The following EPN1 variants were observed in gnomAD, a reference collection of about 807,000 sequenced individuals.
EPN1 encodes epsin-1.
In EPN1, 25 loss-of-function variants were observed where a neutral mutation model predicts 56.9. The observed-to-expected ratio is 0.44, with a 90% CI of 0.32 to 0.61. EPN1 has a LOEUF of 0.61. Among genes scored for constraint, EPN1 ranks in the 20% least tolerant of loss-of-function variants. The pLI is 0.05. For missense variants in EPN1, 785 were observed against 823.7 expected, an observed-to-expected ratio of 0.95 and a Z score of 0.58; for synonymous variants, 411 against 361.8, an observed-to-expected ratio of 1.14 and a Z score of -1.54.
At position 55,701,440 on chromosome 19, in the gene EPN1, C is replaced by T. The variant is rs959768127; in HGVS notation, c.*6084C>T. On this transcript the variant is annotated 3_prime_UTR_variant, in exon 11 of 11. Transcript: ENST00000270460. Reference sequence around the variant, plus strand: ...CTCCAGCCTGGGTGACAGAGTGAGACCCTGTCTCCAAAAAAAAAAAAAAAA... The same window carrying T: ...CTCCAGCCTGGGTGACAGAGTGAGATCCTGTCTCCAAAAAAAAAAAAAAAA... 3.4e-5 allele frequency: 5 copies of T among 148,842 alleles called. No homozygotes were observed. Among genetic ancestry groups the T allele is most frequent in the African/African-American group, 1.3e-4 (5 of 39,836 alleles). The allele number at this position is 148,842 out of a possible 1,614,324, so 9.2% of individuals were successfully genotyped here. A position where few individuals can be genotyped will look rare whatever the true frequency, so the allele number is the denominator to read the frequency against.
chr19:55,678,605 C>T lies in EPN1; in HGVS notation c.-23C>T. ...TCTCCACGCATCGGGGCCCTGTGCC[C>T]CTTGCTGCTGCAGCCGGGCACCATG... On this transcript the variant is annotated 5_prime_UTR_variant, in exon 2 of 11. Transcript: ENST00000270460. The T allele has an allele frequency of 6.3e-7, 1 of 1,592,060 alleles. No homozygotes were observed.
Position 55,702,002 on chromosome 19 carries a change from C to T in EPN1, c.*6646C>T, listed in dbSNP as rs1458879644. The T allele has an allele frequency of 7.5e-6, 1 of 132,702 alleles. No homozygotes were observed. The highest frequency in any genetic ancestry group is 1.6e-5 in the Non-Finnish European group (1 of 64,098). 8.2% of individuals were successfully genotyped at this position (132,702 alleles called of 1,614,324 possible). A position where few individuals can be genotyped will look rare whatever the true frequency, so the allele number is the denominator to read the frequency against. ...TTTGAGATGGAGTCTCGCTCTGTCG[C>T]CCAGGCTGGAGTGCAGTGGTGTCAT... On this transcript the variant is annotated 3_prime_UTR_variant, in exon 11 of 11. Transcript: ENST00000270460.
chr19:55,692,138 A>C (rs973135917), intron 7 of EPN1, 81 bp downstream of exon 7: 11 of 1,319,782 alleles, frequency 8.3e-6, no homozygotes, highest in African/African-American at 1.5e-5. Context: ...GGACAGGGAC[A>C]GATCGAGCCA....
intron 2 of EPN1, 70 bp downstream of exon 2, chr19:55,678,925 C>A: frequency 9.1e-7 from 1 of 1,104,252 alleles, no homozygotes; most frequent in Non-Finnish European, 1.3e-6. Flanking sequence ...CCGTGTTGTG[C>A]ACCCTGCCTG....
At chr19:55,687,408 G>A (rs2122193215) in intron 3 of EPN1, among the ~76,000 whole-genome samples, 1 of 152,318 alleles carries the variant, frequency 6.6e-6, no homozygotes, top group Middle Eastern at 3.4e-3. Context: ...AGGCCCGGGT[G>A]TTGCTGGCTG....
At position 55,708,659 on chromosome 19, in the gene EPN1, C is replaced by T. The variant is rs537400519; in HGVS notation, c.*13303C>T. 4.3e-4 allele frequency: 139 copies of T among 322,984 alleles called. No homozygotes were observed. Among genetic ancestry groups the T allele is most frequent in the African/African-American group, 2.6e-3 (122 of 46,978 alleles). 20.0% of individuals were successfully genotyped at this position (322,984 alleles called of 1,614,324 possible). A position where few individuals can be genotyped will look rare whatever the true frequency, so the allele number is the denominator to read the frequency against. Reference sequence around the variant, plus strand: ...TCCAGAGCGTTTAGCACTTGTTTAACGTACTTGTGCTTCTAAATATCACAA... The same window carrying T: ...TCCAGAGCGTTTAGCACTTGTTTAATGTACTTGTGCTTCTAAATATCACAA... On this transcript the variant is annotated 3_prime_UTR_variant, in exon 11 of 11. Transcript: ENST00000270460.
In EPN1 at chr19:55,691,755, C is replaced by G; in HGVS notation, c.764C>G (p.Ser255Trp). 1 of 1,610,600 alleles carries G rather than the reference C, an allele frequency of 6.2e-7. No individual in the cohort carries two copies. The highest frequency in any genetic ancestry group is 8.5e-7 in the Non-Finnish European group (1 of 1,178,144). ...CCTTCTCTTCTCTCTCCCCCACAGT[C>G]GTCCCTCATGGACCTTGCTGACGTC... ...SKRETGGKEE[S>W]SLMDLADVFT... Residue 255 changes from serine (S) to tryptophan (W), a missense_variant and splice_region_variant, in exon 7 of 11, where the codon TCG becomes TGG. By Grantham distance (177) the Ser-to-Trp change is radical. This residue lies in a region of EPN1 where 650 missense variants were observed against 605.0 expected (regional missense o/e 1.07). Transcript: ENST00000270460. This position sits in a 1 kb window ranked among gnomAD's most constrained non-coding sequence, Gnocchi z 5.6.
chr19:55,677,867 T>C, intron 1 of EPN1: 1 of 1,224,238 alleles, frequency 8.2e-7, no homozygotes, highest in Non-Finnish European at 1.1e-6. Flanking sequence ...CCTCTCCACT[T>C]CCTCCTTGCA....
chr19:55,708,890 G>T lies in EPN1; in HGVS notation c.*13534G>T. The T allele has an allele frequency of 2.0e-6, 3 of 1,501,350 alleles. No homozygotes were observed. The highest frequency in any genetic ancestry group is 1.3e-5 in the South Asian group (1 of 74,388). The allele number at this position is 1,501,350 out of a possible 1,614,324, so 93.0% of individuals were successfully genotyped here. On this transcript the variant is annotated 3_prime_UTR_variant, in exon 11 of 11. Coordinates refer to ENST00000270460, the MANE Select transcript of EPN1 (RefSeq NM_001130072.2). ...TGGCCAAGGAAAGCCTTTGTGAGACGACTACTTCAGGGTGTTCCCCATCAG... is the reference window on the plus strand; with the variant it reads ...TGGCCAAGGAAAGCCTTTGTGAGACTACTACTTCAGGGTGTTCCCCATCAG...
At position 55,698,369 on chromosome 19, in the gene EPN1, G is replaced by A. The variant is rs766033099; in HGVS notation, c.*3013G>A. 4 of 152,198 alleles carry A rather than the reference G, an allele frequency of 2.6e-5. No homozygotes were observed. Among genetic ancestry groups the A allele is most frequent in the Non-Finnish European group, 5.9e-5 (4 of 68,094 alleles). 9.4% of individuals were successfully genotyped at this position (152,198 alleles called of 1,614,324 possible). The stretch of plus-strand genomic sequence containing the variant: ...TGGGACAGGTGAAGCGATGGGGCGT[G>A]GGACATTCCTGGGTCTCGACTCTGT... On this transcript the variant is annotated 3_prime_UTR_variant, in exon 11 of 11. Transcript: ENST00000270460.
chr19:55,689,259 C>G lies in EPN1; in HGVS notation c.604-38C>G. The stretch of plus-strand genomic sequence containing the variant: ...GCTCTGCCTCTGACTCTGCCTCTGG[C>G]CCCTCCCGTCATGCCCCTCACACTC... On this transcript the variant is annotated intron_variant, in intron 4 of 10. Coordinates refer to ENST00000270460, the MANE Select transcript of EPN1 (RefSeq NM_001130072.2). This position sits in a 1 kb window ranked among gnomAD's most constrained non-coding sequence, Gnocchi z 5.7. 4 of 1,435,800 alleles carry G rather than the reference C, an allele frequency of 2.8e-6. No homozygotes were observed. The highest frequency in any genetic ancestry group is 1.7e-4 in the Middle Eastern group (1 of 5,768). 88.9% of individuals were successfully genotyped at this position (1,435,800 alleles called of 1,614,324 possible).
Position 55,691,517 on chromosome 19 carries a change from G to T in EPN1, c.763-237G>T, listed in dbSNP as rs1986543572. Among the ~76,000 whole-genome samples the T allele has an allele frequency of 6.6e-6, 1 of 151,982 alleles. No individual in the cohort carries two copies. The highest frequency in any genetic ancestry group is 2.1e-4 in the South Asian group (1 of 4,818). On this transcript the variant is annotated intron_variant, in intron 6 of 10. Coordinates refer to ENST00000270460, the MANE Select transcript of EPN1 (RefSeq NM_001130072.2). This position sits in a 1 kb window ranked among gnomAD's most constrained non-coding sequence, Gnocchi z 5.6. ...TGGGGCAGGAGTGGGGCTGTGTTGG[G>T]GCTCCCTGGTGGTACCCTCGGGTGG... is the stretch of plus-strand genomic sequence containing the variant.
chr19:55,695,299 GCC>G lies in EPN1; in HGVS notation c.1679_1680del (p.Pro560HisfsTer12). On this transcript the variant is annotated frameshift_variant, in exon 11 of 11. Coordinates refer to ENST00000270460, the MANE Select transcript of EPN1 (RefSeq NM_001130072.2). LOFTEE classifies it high-confidence loss of function. The surrounding 1 kb of genome is among the most constrained non-coding windows in gnomAD (Gnocchi z 4.4). ...ISPLGGGPGL[P>X]PMMPPGPPAP... ...CTCCCCTTGGCGGGGGCCCTGGCCT[GCC>G]CCCCATGATGCCCCCGGGCCCCCCG... 1 of 1,573,442 alleles carries G rather than the reference GCC, an allele frequency of 6.4e-7. No individual in the cohort carries two copies. Among genetic ancestry groups the G allele is most frequent in the Non-Finnish European group, 8.6e-7 (1 of 1,162,732 alleles).
chr19:55,684,268 A>G (rs1257697291), intron 2 of EPN1, among the ~76,000 whole-genome samples: 1 of 151,806 alleles, frequency 6.6e-6, no homozygotes, highest in Non-Finnish European at 1.5e-5. Context: ...GTGATAGCTG[A>G]CTCTTCCCCT....
chr19:55,685,805 G>A (rs1986132948), intron 3 of EPN1, among the ~76,000 whole-genome samples, 160 bp downstream of exon 3: 1 of 152,166 alleles, frequency 6.6e-6, no homozygotes, highest in East Asian at 1.9e-4. Flanking sequence ...GTCTCACTTG[G>A]GCCCTTTTTT....
chr19:55,703,193 G>C lies in EPN1; in HGVS notation c.*7837G>C, dbSNP rs1170800916. The C allele has an allele frequency of 6.6e-6, 1 of 152,358 alleles. No homozygotes were observed. Among genetic ancestry groups the C allele is most frequent in the East Asian group, 1.9e-4 (1 of 5,196 alleles). 9.4% of individuals were successfully genotyped at this position (152,358 alleles called of 1,614,324 possible). On this transcript the variant is annotated 3_prime_UTR_variant, in exon 11 of 11. Coordinates refer to ENST00000270460, the MANE Select transcript of EPN1 (RefSeq NM_001130072.2). ...CAGCCATAAATGGAGGGGAGGGCGT[G>C]TGTGTGGCCACGTGTGTTTCTGTCC...
In EPN1 at chr19:55,707,616, G is replaced by A. The variant is rs1396663763; in HGVS notation, c.*12260G>A. The A allele has an allele frequency of 1.3e-5, 2 of 154,590 alleles. No homozygotes were observed. Among genetic ancestry groups the A allele is most frequent in the Non-Finnish European group, 2.9e-5 (2 of 68,266 alleles). The allele number at this position is 154,590 out of a possible 1,614,324, so 9.6% of individuals were successfully genotyped here. A position where few individuals can be genotyped will look rare whatever the true frequency, so the allele number is the denominator to read the frequency against. On this transcript the variant is annotated 3_prime_UTR_variant, in exon 11 of 11. Transcript: ENST00000270460. ...CAATGTCCTAAGAACCATAGGGGAAGTGGCCATAAAAACCATCTTTCCTTT... is the reference window on the plus strand; with the variant it reads ...CAATGTCCTAAGAACCATAGGGGAAATGGCCATAAAAACCATCTTTCCTTT...
chr19:55,689,758 C>A lies in EPN1; in HGVS notation c.679-109C>A. ...ATTGTCCGCATCCCATCGAATCCTT[C>A]AGCCGCTTTCGTTGGGGTGGGAGGG... is the stretch of plus-strand genomic sequence containing the variant. On this transcript the variant is annotated intron_variant, in intron 5 of 10. Coordinates refer to ENST00000270460, the MANE Select transcript of EPN1 (RefSeq NM_001130072.2). This position sits in a 1 kb window ranked among gnomAD's most constrained non-coding sequence, Gnocchi z 5.7. 1.0e-6 allele frequency: 1 copy of A among 1,002,824 alleles called. No individual in the cohort carries two copies. The allele number at this position is 1,002,824 out of a possible 1,614,324, so 62.1% of individuals were successfully genotyped here. A position where few individuals can be genotyped will look rare whatever the true frequency, so the allele number is the denominator to read the frequency against.
rs780284593 is a variant in EPN1, at chr19:55,695,581, C to T, written c.*225C>T. ...GCTGGCCAGAGGAGGACCCCTTTCCCGTGGCATTAGAAGGGGGAGGGGTGG... is the reference window on the plus strand; with the variant it reads ...GCTGGCCAGAGGAGGACCCCTTTCCTGTGGCATTAGAAGGGGGAGGGGTGG... On this transcript the variant is annotated 3_prime_UTR_variant, in exon 11 of 11. Transcript: ENST00000270460. The surrounding 1 kb of genome is among the most constrained non-coding windows in gnomAD (Gnocchi z 4.4). The T allele has an allele frequency of 1.9e-5, 10 of 532,294 alleles. No homozygotes were observed. Among genetic ancestry groups the T allele is most frequent in the African/African-American group, 5.7e-5 (3 of 52,338 alleles). The allele number at this position is 532,294 out of a possible 1,614,324, so 33.0% of individuals were successfully genotyped here. A position where few individuals can be genotyped will look rare whatever the true frequency, so the allele number is the denominator to read the frequency against.
Sources: gnomAD v4.1 joint callset for allele counts (sites outside exome capture counted in the v4.1 genomes callset) on GRCh38, gnomAD v4.1.1 for gene constraint, gnomAD v4.1.1 regional missense constraint, Gnocchi (gnomAD v3.1) non-coding constraint, MANE v1.5 for transcripts, NCBI Gene and HGNC (gene_info 2026-07-23, HGNC 2026-07-21) for gene names.